Variants in AQP6 observed in about 807,000 individuals in gnomAD.
The protein encoded by AQP6 is aquaporin 6.
AQP6 carries 14 observed loss-of-function variants against 16.3 expected under a neutral mutation model. The observed-to-expected ratio is 0.86, with a 90% CI of 0.57 to 1.34. The LOEUF is 1.34. AQP6 is among the 40% of genes most tolerant of loss of function. The pLI is 0.00. For missense variants in AQP6, 331 were observed against 379.7 expected (o/e 0.87, Z 1.07); for synonymous variants, 178 against 166.8 (o/e 1.07, Z -0.52).
rs1013961913 is a variant in AQP6 at position 49,975,248 on chromosome 12, G to C, written c.643-217G>C. 1.9e-5 allele frequency: 25 copies of C among 1,348,522 alleles called. No homozygotes were observed. The highest frequency in any genetic ancestry group is 5.9e-5 in the African/African-American group (4 of 67,358). The allele number at this position is 1,348,522 out of a possible 1,614,324, so 83.5% of individuals were successfully genotyped here. A position where few individuals can be genotyped will look rare whatever the true frequency, so the allele number is the denominator to read the frequency against. On this transcript the variant is annotated intron_variant, in intron 3 of 3. Transcript: ENST00000315520. The surrounding 1 kb of genome is among the most constrained non-coding windows in gnomAD (Gnocchi z 4.4). ...GGCCCCAGCCACGGCTGCAGAGCCT[G>C]GGCTCAGCCCCAGGGAGGGCAGGGA...
rs146386054 is a variant in AQP6, at chr12:49,973,113, A to G, written c.-61A>G. 85 of 1,521,664 alleles carry G rather than the reference A, an allele frequency of 5.6e-5. No homozygotes were observed. The highest frequency in any genetic ancestry group is 7.5e-5 in the Non-Finnish European group (85 of 1,135,922). 94.3% of individuals were successfully genotyped at this position (1,521,664 alleles called of 1,614,324 possible). On this transcript the variant is annotated 5_prime_UTR_variant, in exon 1 of 4. Transcript: ENST00000315520. The stretch of plus-strand genomic sequence containing the variant: ...GACACCAGAAGAGACAGGAGATCAG[A>G]GACCAGAGGAACAGAGAAGAGGCCC...
chr12:49,973,727 G>T, intron 1 of AQP6, 152 bp downstream of exon 1: 1 of 1,262,566 alleles, frequency 7.9e-7, no homozygotes, highest in Non-Finnish European at 1.1e-6. Context: ...GGACCCAGAG[G>T]ACTGAGACTT....
intron 2 of AQP6, 49 bp from the exon 3 acceptor site, chr12:49,974,697 A>G: frequency 6.3e-7 from 1 of 1,597,352 alleles, no homozygotes; most frequent in Non-Finnish European, 8.6e-7. Context: ...GTCCCCTCTC[A>G]GGCCTGCCTT....
At chr12:49,974,963 T>G in intron 3 of AQP6, 137 bp downstream of exon 3, 1 of 1,448,388 alleles carries the variant, frequency 6.9e-7, no homozygotes, top group Non-Finnish European at 9.1e-7. Flanking sequence ...CTTTTCGGCT[T>G]CAGTTGCCCA....
Position 49,974,498 on chromosome 12 carries a change from G to A in AQP6, c.561+16G>A. ...CCTCATTGGGGTAAGGAACAGAGGG[G>A]ACACCGTGCACATGCACACACCGGG... On this transcript the variant is annotated intron_variant, in intron 2 of 3. Coordinates refer to ENST00000315520, the MANE Select transcript of AQP6 (RefSeq NM_001652.4). 6.3e-7 allele frequency: 1 copy of A among 1,592,772 alleles called. No homozygotes were observed. The highest frequency in any genetic ancestry group is 1.3e-5 in the African/African-American group (1 of 74,572).
rs1173853768 is a variant in AQP6, at chr12:49,973,424, C to A, written c.251C>A (p.Ala84Asp). Residue 84 changes from alanine to aspartate, a missense_variant, in exon 1 of 4, where the codon GCC becomes GAC. Ala to Asp is a moderately radical substitution (Grantham distance 126). Transcript: ENST00000315520. ...GCCAGCGGGGCCCACGCCAACCCCG[C>A]CGTGACGCTGGCCTTCCTCGTAGGC... ...WKASGAHANP[A>D]VTLAFLVGSH... 6.2e-7 allele frequency: 1 copy of A among 1,613,268 alleles called. No individual in the cohort carries two copies. Among genetic ancestry groups the A allele is most frequent in the South Asian group, 1.1e-5 (1 of 91,088 alleles).
intron 2 of AQP6, 87 bp downstream of exon 2, chr12:49,974,569 C>A: frequency 7.5e-6 from 11 of 1,475,302 alleles, no homozygotes. Flanking sequence ...AGGCAGTGTC[C>A]CTCCCTGAGC....
chr12:49,973,143 G>A lies in AQP6; in HGVS notation c.-31G>A, dbSNP rs368446831. The A allele has an allele frequency of 1.3e-6, 2 of 1,571,260 alleles. No individual in the cohort carries two copies. Among genetic ancestry groups the A allele is most frequent in the Non-Finnish European group, 1.7e-6 (2 of 1,157,272 alleles). The stretch of plus-strand genomic sequence containing the variant: ...AGAGGAACAGAGAAGAGGCCCCAGA[G>A]CAAGGCAAGGAACGGCCAAGGCACC... On this transcript the variant is annotated 5_prime_UTR_variant, in exon 1 of 4. Transcript: ENST00000315520.
Position 49,976,134 on chromosome 12 carries a change from T to G in AQP6, c.*463T>G, listed in dbSNP as rs1431872915. The G allele has an allele frequency of 6.5e-6, 1 of 153,872 alleles. No homozygotes were observed. Among genetic ancestry groups the G allele is most frequent in the Non-Finnish European group, 1.4e-5 (1 of 69,358 alleles). 9.5% of individuals were successfully genotyped at this position (153,872 alleles called of 1,614,324 possible). On this transcript the variant is annotated 3_prime_UTR_variant, in exon 4 of 4. Coordinates refer to ENST00000315520, the MANE Select transcript of AQP6 (RefSeq NM_001652.4). ...AGGAATCAGGCCCTGGGACAGCCTC[T>G]GAGCTCCTGGGGGTGTTTCTCTGAC...
At position 49,975,555 on chromosome 12, in the gene AQP6, C is replaced by T. The variant is rs139145931; in HGVS notation, c.733C>T (p.Arg245Trp). 7.7e-5 allele frequency: 124 copies of T among 1,613,708 alleles called. No individual in the cohort carries two copies. The highest frequency in any genetic ancestry group is 5.9e-4 in the African/African-American group (44 of 75,000). ...LFPDTKTLAQ[R>W]LAILTGTVEV... is the part of the protein sequence containing the mutation. ...CCCCGACACCAAGACCCTGGCGCAG[C>T]GGCTGGCTATCCTCACAGGCACCGT... Residue 245 changes from arginine to tryptophan, a missense_variant, in exon 4 of 4, where the codon CGG becomes TGG. Arg to Trp is a moderately radical substitution (Grantham distance 101). Transcript: ENST00000315520. This position sits in a 1 kb window ranked among gnomAD's most constrained non-coding sequence, Gnocchi z 4.4.
In AQP6 at chr12:49,973,117, C is replaced by G; in HGVS notation, c.-57C>G. ...CCAGAAGAGACAGGAGATCAGAGACCAGAGGAACAGAGAAGAGGCCCCAGA... is the reference window on the plus strand; with the variant it reads ...CCAGAAGAGACAGGAGATCAGAGACGAGAGGAACAGAGAAGAGGCCCCAGA... On this transcript the variant is annotated 5_prime_UTR_variant, in exon 1 of 4. Coordinates refer to ENST00000315520, the MANE Select transcript of AQP6 (RefSeq NM_001652.4). The G allele has an allele frequency of 1.3e-6, 2 of 1,532,972 alleles. No homozygotes were observed. The highest frequency in any genetic ancestry group is 2.3e-5 in the East Asian group (1 of 43,818). The allele number at this position is 1,532,972 out of a possible 1,614,324, so 95.0% of individuals were successfully genotyped here.
rs1947555719 is a variant in AQP6 at position 49,974,430 on chromosome 12, G to A, written c.509G>A (p.Gly170Asp). The change falls in exon 2 of 4, where the codon GGC becomes GAC. Residue 170 changes from glycine (G) to aspartate (D), a missense_variant. Transcript: ENST00000315520. ...FASTDSRQTS[G>D]SPATMIGISV... ...TCCACCGACAGCCGTCAGACATCAG[G>A]CTCCCCGGCCACCATGATTGGGATC... 20 of 1,613,466 alleles carry A rather than the reference G, an allele frequency of 1.2e-5. No individual in the cohort carries two copies. Among genetic ancestry groups the A allele is most frequent in the Non-Finnish European group, 1.5e-5 (18 of 1,179,714 alleles).
intron 1 of AQP6, chr12:49,973,865 C>A: frequency 8.1e-7 from 1 of 1,230,800 alleles, no homozygotes; most frequent in Non-Finnish European, 1.0e-6. Flanking sequence ...CAAGGGAGTG[C>A]GGGGCCTGTG....
Position 49,974,743 on chromosome 12 carries a change from C to T in AQP6, c.562-3C>T. 1 of 1,614,178 alleles carries T rather than the reference C, an allele frequency of 6.2e-7. No homozygotes were observed. The highest frequency in any genetic ancestry group is 8.5e-7 in the Non-Finnish European group (1 of 1,179,990). On this transcript the variant is annotated splice_region_variant and splice_polypyrimidine_tract_variant and intron_variant, in intron 2 of 3. Transcript: ENST00000315520. ...CCACCCTGACCCTGCACTTGCTCCC[C>T]AGATCCACTTCACTGGCTGCTCCAT...
chr12:49,976,850 T>C lies in AQP6; in HGVS notation c.*1179T>C, dbSNP rs1221419953. 8.6e-5 allele frequency: 54 copies of C among 629,190 alleles called. 2 individuals are homozygous for C. Among genetic ancestry groups the C allele is most frequent in the Non-Finnish European group, 5.7e-6 (2 of 352,284 alleles). The allele number at this position is 629,190 out of a possible 1,614,324, so 39.0% of individuals were successfully genotyped here. ...CAGCATTACAGGATCCCCAGAAAGC[T>C]GTTGAATAAGCCCTAAGGGTGGTAG... On this transcript the variant is annotated 3_prime_UTR_variant, in exon 4 of 4. Transcript: ENST00000315520.
chr12:49,975,151 T>C lies in AQP6; in HGVS notation c.643-314T>C. 1 of 1,281,628 alleles carries C rather than the reference T, an allele frequency of 7.8e-7. No homozygotes were observed. Among genetic ancestry groups the C allele is most frequent in the Non-Finnish European group, 9.9e-7 (1 of 1,014,744 alleles). The allele number at this position is 1,281,628 out of a possible 1,614,324, so 79.4% of individuals were successfully genotyped here. A position where few individuals can be genotyped will look rare whatever the true frequency, so the allele number is the denominator to read the frequency against. ...ACACCAGCAGAGACAGAAACAGCAA[T>C]AGCCAGGACTCCTGGCTAAAACGGG... On this transcript the variant is annotated intron_variant, in intron 3 of 3. Transcript: ENST00000315520. This position sits in a 1 kb window ranked among gnomAD's most constrained non-coding sequence, Gnocchi z 4.4.
intron 2 of AQP6, 50 bp downstream of exon 2, chr12:49,974,532 C>A (rs572561128): frequency 1.9e-6 from 3 of 1,545,112 alleles, no homozygotes; most frequent in East Asian, 2.3e-5. Flanking sequence ...GGTCCGTCCC[C>A]GGGGAAACTG....
At chr12:49,974,127 C>A in intron 1 of AQP6, 197 bp from the exon 2 acceptor site, 1 of 1,267,776 alleles carries the variant, frequency 7.9e-7, no homozygotes, top group Non-Finnish European at 9.9e-7. Flanking sequence ...GTGGGAGGAG[C>A]ACCACTCACT....
rs1947543336 is a variant in AQP6 at position 49,973,323 on chromosome 12, A to C, written c.150A>C (p.Thr50=). Residue 50 remains threonine, a synonymous_variant, in exon 1 of 4, where the codon ACA becomes ACC. Coordinates refer to ENST00000315520, the MANE Select transcript of AQP6 (RefSeq NM_001652.4). The part of the protein sequence containing the change: ...FGVGSVMRWP[T]ALPSVLQIAI... ...TGGGCTCAGTCATGCGCTGGCCCACAGCACTTCCCTCCGTGCTACAGATTG... is the reference window on the plus strand; with the variant it reads ...TGGGCTCAGTCATGCGCTGGCCCACCGCACTTCCCTCCGTGCTACAGATTG... 6.2e-7 allele frequency: 1 copy of C among 1,613,732 alleles called. No individual in the cohort carries two copies. Among genetic ancestry groups the C allele is most frequent in the African/African-American group, 1.3e-5 (1 of 75,074 alleles).
Sources: gnomAD v4.1 joint callset for allele counts on GRCh38, gnomAD v4.1.1 for gene constraint, Gnocchi (gnomAD v3.1) non-coding constraint, MANE v1.5 for transcripts, NCBI Gene and HGNC (gene_info 2026-07-23, HGNC 2026-07-21) for gene names.